AGMO: variants seen among roughly 807,000 people sequenced by gnomAD.
AGMO encodes glyceryl-ether monooxygenase.
AGMO carries 75 observed loss-of-function variants against 60.2 expected under a neutral mutation model. That is an observed-to-expected ratio of 1.25 (90% confidence interval 1.03 to 1.51). The LOEUF (loss-of-function observed/expected upper bound fraction) is 1.51. AGMO is among the 40% of genes most tolerant of loss of function. AGMO has a pLI of 0.00. For synonymous variants in AGMO, 261 were observed against 177.1 expected, an observed-to-expected ratio of 1.47 and a Z score of -3.76; for missense variants, 763 against 525.5, an observed-to-expected ratio of 1.45 and a Z score of -4.42.
chr7:15,466,814 A>G (rs182567403), intron 3 of AGMO, among the ~76,000 whole-genome samples: 1 of 152,316 alleles, frequency 6.6e-6, no homozygotes, highest in East Asian at 1.9e-4. Flanking sequence ...TAAAGGATAC[A>G]GTTGGTTCAA....
At chr7:15,212,744 G>C (rs1440725381) in intron 12 of AGMO, among the ~76,000 whole-genome samples, 1 of 151,738 alleles carries the variant, frequency 6.6e-6, no homozygotes. Flanking sequence ...TAGCATTTTG[G>C]GGATACAAAC....
chr7:15,295,133 AAATT>A (rs1784373956), intron 12 of AGMO, among the ~76,000 whole-genome samples: 1 of 151,934 alleles, frequency 6.6e-6, no homozygotes, highest in Non-Finnish European at 1.5e-5. Context: ...TATACATATA[AAATT>A]AATAGCTACA....
At chr7:15,123,221 T>G in the AGMO span, among the ~76,000 whole-genome samples, 1 of 152,090 alleles carries the variant, frequency 6.6e-6, no homozygotes, top group Non-Finnish European at 1.5e-5. Context: ...ATTTACAACT[T>G]AAATTCAACA....
chr7:15,191,965 TCTCTCTCTCACA>T, the AGMO span, among the ~76,000 whole-genome samples: 2 of 75,188 alleles, frequency 2.7e-5, no homozygotes, highest in African/African-American at 1.1e-4. Flanking sequence ...TCTCCCTCTG[TCTCTCTCTCACA>T]CACACACACA....
chr7:15,560,027 T>A, intron 2 of AGMO, 114 bp downstream of exon 2: 1 of 1,093,524 alleles, frequency 9.1e-7, no homozygotes, highest in Non-Finnish European at 1.2e-6. Flanking sequence ...TGAACTGAAT[T>A]TTTTGGGAAA....
intron 12 of AGMO, among the ~76,000 whole-genome samples, chr7:15,365,049 T>C (rs1158889418): frequency 2.0e-5 from 3 of 152,016 alleles, no homozygotes; most frequent in African/African-American, 2.4e-5. Context: ...TTTTCAGCTG[T>C]AGAAAAATCC....
chr7:15,347,566 G>A (rs1043990176), intron 12 of AGMO, among the ~76,000 whole-genome samples: 9 of 151,832 alleles, frequency 5.9e-5, no homozygotes, highest in African/African-American at 7.3e-5. Context: ...TCGCCTAGAA[G>A]ATAATTCATG....
At chr7:15,273,118 G>A (rs541530391) in intron 12 of AGMO, among the ~76,000 whole-genome samples, 1 of 152,272 alleles carries the variant, frequency 6.6e-6, no homozygotes, top group African/African-American at 2.4e-5. Flanking sequence ...CTGTGCAGAA[G>A]CTCTTTAGTT....
At chr7:15,550,867 A>C (rs1188496186) in intron 2 of AGMO, among the ~76,000 whole-genome samples, 251 of 141,064 alleles carry the variant, frequency 1.8e-3, no homozygotes, top group African/African-American at 6.4e-3. Flanking sequence ...ACAACCAAAA[A>C]AGAGAATTTT....
chr7:15,367,437 T>C (rs1331816126), intron 10 of AGMO, among the ~76,000 whole-genome samples: 1 of 152,026 alleles, frequency 6.6e-6, no homozygotes, highest in African/African-American at 2.4e-5. Context: ...GGCAGAGTAG[T>C]TGTCATTATA....
chr7:15,384,982 A>G (rs1783856980), intron 10 of AGMO, among the ~76,000 whole-genome samples: 1 of 152,112 alleles, frequency 6.6e-6, no homozygotes, highest in Non-Finnish European at 1.5e-5. Flanking sequence ...TATTTGCACC[A>G]GACAAATTGG....
the AGMO span, among the ~76,000 whole-genome samples, chr7:15,161,968 C>G: frequency 6.6e-6 from 1 of 152,122 alleles, no homozygotes; most frequent in South Asian, 2.1e-4. Context: ...ACCCAAATCT[C>G]ATCTCAAATT....
At chr7:15,379,200 G>C (rs934978612) in intron 10 of AGMO, among the ~76,000 whole-genome samples, 1 of 151,852 alleles carries the variant, frequency 6.6e-6, no homozygotes, top group African/African-American at 2.4e-5. Flanking sequence ...CTAGTATCAC[G>C]ACTAAATAAC....
At chr7:15,428,307 G>A (rs1781128139) in intron 4 of AGMO, among the ~76,000 whole-genome samples, 1 of 152,076 alleles carries the variant, frequency 6.6e-6, no homozygotes, top group African/African-American at 2.4e-5. Flanking sequence ...AATCCAGGCT[G>A]ACTTACAATC....
chr7:15,394,224 ATG>A (rs759741180), intron 5 of AGMO, 45 bp from the exon 6 acceptor site: 16 of 1,336,680 alleles, frequency 1.2e-5, no homozygotes, highest in African/African-American at 2.9e-5. Flanking sequence ...TTATCATTAA[ATG>A]TGTGTTAGTA....
the AGMO span, among the ~76,000 whole-genome samples, chr7:15,178,027 C>G: frequency 6.6e-6 from 1 of 152,048 alleles, no homozygotes; most frequent in African/African-American, 2.4e-5. Flanking sequence ...GTTTTATGTA[C>G]TCCACTCTTC....
intron 3 of AGMO, among the ~76,000 whole-genome samples, chr7:15,487,639 T>C (rs1782956331): frequency 6.6e-6 from 1 of 152,136 alleles, no homozygotes; most frequent in South Asian, 2.1e-4. Context: ...CTGAACATTA[T>C]GAAAACTAAC....
intron 3 of AGMO, among the ~76,000 whole-genome samples, chr7:15,515,248 A>T (rs908502023): frequency 2.6e-5 from 4 of 152,200 alleles, no homozygotes; most frequent in Admixed American, 1.3e-4. Context: ...TCCACTGACA[A>T]CTTTCTCTTT....
intron 12 of AGMO, among the ~76,000 whole-genome samples, chr7:15,218,866 C>G (rs576048119): frequency 1.3e-5 from 2 of 152,082 alleles, no homozygotes; most frequent in African/African-American, 4.8e-5. Flanking sequence ...TTGGAATTAA[C>G]AGAAAAATTG....
Sources: gnomAD v4.1 joint callset for allele counts (sites outside exome capture counted in the v4.1 genomes callset) on GRCh38, gnomAD v4.1.1 for gene constraint, MANE v1.5 for transcripts, NCBI Gene and HGNC (gene_info 2026-07-23, HGNC 2026-07-21) for gene names.